The following TIAM2 variants were observed in gnomAD, a reference collection of about 807,000 sequenced individuals.
TIAM2 encodes the protein rho guanine nucleotide exchange factor TIAM2.
A neutral mutation model predicts 152.9 loss-of-function variants in TIAM2; 80 were observed. The observed-to-expected ratio is 0.52, with a 90% CI of 0.44 to 0.63. The LOEUF (loss-of-function observed/expected upper bound fraction) is 0.63, where lower values mean the gene tolerates loss of function less well. TIAM2 is among the 30% of genes least tolerant of loss of function. TIAM2 has a pLI of 0.00. For synonymous variants in TIAM2, 804 were observed against 838.0 expected, an observed-to-expected ratio of 0.96 and a Z score of 0.70; for missense variants, 1,965 against 2,120.1, an observed-to-expected ratio of 0.93 and a Z score of 1.44.
intron 2 of TIAM2, among the ~76,000 whole-genome samples, chr6:155,101,782 C>G (rs887254721): frequency 1.3e-5 from 2 of 151,554 alleles, no homozygotes; most frequent in Non-Finnish European, 2.9e-5. Context: ...GCAATCTCGG[C>G]TCACTGCAGC....
At chr6:155,100,069 A>G (rs1778521659) in intron 2 of TIAM2, among the ~76,000 whole-genome samples, 1 of 152,146 alleles carries the variant, frequency 6.6e-6, no homozygotes, top group South Asian at 2.1e-4. Flanking sequence ...TTACACTGTG[A>G]TGCTGCACAT....
chr6:155,027,045 C>CT (rs1421892585), intron 1 of TIAM2, among the ~76,000 whole-genome samples: 2 of 151,200 alleles, frequency 1.3e-5, no homozygotes, highest in African/African-American at 4.9e-5. Context: ...TATTTTTTAC[C>CT]TTTTTTTTGA....
chr6:155,025,869 CACACACAG>C (rs1261097311), intron 1 of TIAM2, among the ~76,000 whole-genome samples: 4 of 111,908 alleles, frequency 3.6e-5, no homozygotes, highest in South Asian at 3.0e-4. Context: ...CACACACACA[CACACACAG>C]AAAAGAAAGA....
intron 1 of TIAM2, among the ~76,000 whole-genome samples, chr6:155,057,982 A>G (rs1027037954): frequency 4.5e-4 from 68 of 152,238 alleles, no homozygotes; most frequent in African/African-American, 1.6e-3. Context: ...ATGGCTATTT[A>G]TGTTATACTT....
rs190428830 is a variant in TIAM2 at position 155,205,819 on chromosome 6, C to A, written c.3065-5385C>A. ...CAGTGAGCACCTAGATCTATTGGTG[C>A]TTTCTGGGCAACAGGAAAAAGAAAT... On this transcript the variant is annotated intron_variant, in intron 14 of 26. Coordinates refer to ENST00000682666, the MANE Select transcript of TIAM2 (RefSeq NM_012454.4). Among the ~76,000 whole-genome samples the A allele has an allele frequency of 2.4e-3, 365 of 152,274 alleles. 1 individual carries two copies. The highest frequency in any genetic ancestry group is 8.3e-3 in the African/African-American group (347 of 41,564).
At chr6:155,025,950 T>C (rs943665415) in intron 1 of TIAM2, among the ~76,000 whole-genome samples, 11 of 151,846 alleles carry the variant, frequency 7.2e-5, no homozygotes, top group Non-Finnish European at 1.2e-4. Context: ...AAAGCCTCCT[T>C]GAGCAGTTGT....
At chr6:155,246,515 T>A (rs1316043430) in intron 19 of TIAM2, among the ~76,000 whole-genome samples, 1 of 152,164 alleles carries the variant, frequency 6.6e-6, no homozygotes, top group Non-Finnish European at 1.5e-5. Context: ...TGTAAAAATG[T>A]TCGTAGAAAT....
At chr6:155,194,184 G>A (rs1318677129) in intron 14 of TIAM2, among the ~76,000 whole-genome samples, 1 of 152,212 alleles carries the variant, frequency 6.6e-6, no homozygotes, top group Non-Finnish European at 1.5e-5. Flanking sequence ...GCGCAGAGAA[G>A]CCGGGAGGAG....
chr6:155,225,948 C>G (rs989929489), intron 15 of TIAM2, among the ~76,000 whole-genome samples: 1 of 152,190 alleles, frequency 6.6e-6, no homozygotes, highest in Non-Finnish European at 1.5e-5. Flanking sequence ...GCAAGTAGCC[C>G]TTGGCAGTAC....
At chr6:155,086,050 G>A (rs73792690) in intron 1 of TIAM2, among the ~76,000 whole-genome samples, 4,465 of 152,278 alleles carry the variant, frequency 0.029, 218 homozygotes, top group African/African-American at 0.1. Context: ...CCCTGGCAGC[G>A]AAGCCCAGTC....
intron 1 of TIAM2, among the ~76,000 whole-genome samples, chr6:155,043,717 C>T (rs1304500296): frequency 6.6e-6 from 1 of 151,746 alleles, no homozygotes; most frequent in Non-Finnish European, 1.5e-5. Flanking sequence ...TGCACCCCCA[C>T]TCCCAGTGAT....
chr6:155,219,386 C>T (rs113818920), intron 15 of TIAM2, among the ~76,000 whole-genome samples: 5 of 152,022 alleles, frequency 3.3e-5, no homozygotes, highest in South Asian at 4.2e-4. Context: ...CTCTGCCAGC[C>T]GAGGAGGGCT....
intron 1 of TIAM2, among the ~76,000 whole-genome samples, chr6:155,039,568 C>T (rs1316901317): frequency 7.7e-6 from 1 of 129,878 alleles, no homozygotes; most frequent in Admixed American, 9.3e-5. Flanking sequence ...GGGTATAGGT[C>T]TGGGGGGATT....
chr6:155,001,494 C>T (rs1272957026), intron 1 of TIAM2, among the ~76,000 whole-genome samples: 4 of 152,164 alleles, frequency 2.6e-5, no homozygotes, highest in East Asian at 1.9e-4. Flanking sequence ...AAAATGCCCA[C>T]GGATGGTTAC....
At chr6:155,194,187 G>A (rs1345940567) in intron 14 of TIAM2, among the ~76,000 whole-genome samples, 2 of 152,198 alleles carry the variant, frequency 1.3e-5, no homozygotes, top group South Asian at 2.1e-4. Flanking sequence ...CAGAGAAGCC[G>A]GGAGGAGGCC....
At chr6:155,049,422 G>C (rs937572919) in intron 1 of TIAM2, among the ~76,000 whole-genome samples, 3 of 152,114 alleles carry the variant, frequency 2.0e-5, no homozygotes, top group African/African-American at 7.2e-5. Flanking sequence ...AATGGAAATT[G>C]GCTCTGTTTA....
intron 1 of TIAM2, among the ~76,000 whole-genome samples, chr6:155,076,005 A>G (rs754401986): frequency 1.8e-4 from 27 of 152,296 alleles, no homozygotes; most frequent in Non-Finnish European, 2.9e-4. Flanking sequence ...AACCACGCCA[A>G]CAACAGACAG....
intron 18 of TIAM2, 172 bp downstream of exon 18, chr6:155,244,955 G>GTA: frequency 1.2e-6 from 1 of 850,914 alleles, no homozygotes; most frequent in Non-Finnish European, 1.6e-6. Context: ...AAGGAAGGCT[G>GTA]TATATATTTT....
At chr6:155,045,840 C>CTTTTTTTTTTTTTTTTT (rs11354850) in intron 1 of TIAM2, among the ~76,000 whole-genome samples, 9 of 60,494 alleles carry the variant, frequency 1.5e-4, no homozygotes, top group East Asian at 5.9e-4. Context: ...ATAGTGCCCT[C>CTTTTTTTTTTTTTTTTT]TTTTTTTTTT....
Sources: gnomAD v4.1 joint callset for allele counts (sites outside exome capture counted in the v4.1 genomes callset) on GRCh38, gnomAD v4.1.1 for gene constraint, MANE v1.5 for transcripts, NCBI Gene and HGNC (gene_info 2026-07-23, HGNC 2026-07-21) for gene names.